Variants in RNASEH2B observed in about 807,000 individuals in gnomAD.
RNASEH2B encodes the protein ribonuclease H2 subunit B, also known as Aicardi-Goutieres syndrome 2 protein.
Under a neutral mutation model 45.0 loss-of-function variants are expected in RNASEH2B, and 36 were observed. That is an observed-to-expected ratio of 0.80 (90% CI 0.61 to 1.06). The LOEUF (loss-of-function observed/expected upper bound fraction) is 1.06, where lower values mean the gene tolerates loss of function less well. RNASEH2B is among the 50% of genes least tolerant of loss of function. The pLI, the probability that RNASEH2B is intolerant of heterozygous loss-of-function variation, is 0.00. For synonymous variants in RNASEH2B, 119 were observed against 125.7 expected (o/e 0.95, Z 0.35); for missense variants, 361 against 360.3 (o/e 1.00, Z -0.02).
intron 6 of RNASEH2B, among the ~76,000 whole-genome samples, chr13:50,944,188 TA>T (rs552801064): frequency 9.4e-5 from 14 of 148,772 alleles, no homozygotes; most frequent in South Asian, 4.2e-4. Flanking sequence ...TGGGTTGTGA[TA>T]AAAAAAAAAC....
At chr13:50,923,490 A>T (rs912444966) in intron 1 of RNASEH2B, among the ~76,000 whole-genome samples, 3 of 152,216 alleles carry the variant, frequency 2.0e-5, no homozygotes, top group African/African-American at 7.2e-5. Context: ...ACTTCTCATT[A>T]GAAGCTATGG....
At chr13:50,947,747 G>A (rs2038719) in intron 7 of RNASEH2B, among the ~76,000 whole-genome samples, 1,841 of 151,958 alleles carry the variant, frequency 0.012, 31 homozygotes, top group African/African-American at 0.043. Context: ...TATTATACTT[G>A]TTTTATCTTA....
intron 1 of RNASEH2B, 141 bp downstream of exon 1, chr13:50,910,281 C>A: frequency 1.9e-6 from 1 of 532,864 alleles, no homozygotes; most frequent in African/African-American, 2.0e-5. Flanking sequence ...ACAGCTGGCC[C>A]CGCATTTTGG....
Position 50,956,376 on chromosome 13 carries a change from G to A in RNASEH2B, c.841G>A (p.Ala281Thr), listed in dbSNP as rs1376748105. Reference protein sequence around the residue: ...KTEKKNSKMTAAQKALAKVDK... With the variant: ...KTEKKNSKMTTAQKALAKVDK... ...TTAACAGAAAAATAGCAAAATGACT[G>A]CAGCTCAGAAGGCTTTGGCTAAAGT... The change falls in exon 11 of 11, where the codon GCA (alanine) becomes ACA (threonine). Residue 281 changes from alanine (A) to threonine (T), a missense_variant. Ala to Thr is a moderately conservative substitution (Grantham distance 58). Transcript: ENST00000336617. 2 of 1,601,490 alleles carry A rather than the reference G, an allele frequency of 1.2e-6. No individual in the cohort carries two copies. The highest frequency in any genetic ancestry group is 1.7e-6 in the Non-Finnish European group (2 of 1,172,018).
At chr13:50,921,658 G>C (rs563293551) in intron 1 of RNASEH2B, among the ~76,000 whole-genome samples, 15 of 152,108 alleles carry the variant, frequency 9.9e-5, no homozygotes, top group Admixed American at 2.0e-4. Context: ...TATAGTAAAT[G>C]AGCCCTTTTT....
At position 50,918,730 on chromosome 13, in the gene RNASEH2B, T is replaced by C. The variant is rs572641851; in HGVS notation, c.64+8590T>C. ...TGATTTGTCTTGCATGCATTGTATTTGTGTCCTACCAAAGTGTTTCCAAGG... is the reference window on the plus strand; with the variant it reads ...TGATTTGTCTTGCATGCATTGTATTCGTGTCCTACCAAAGTGTTTCCAAGG... On this transcript the variant is annotated intron_variant, in intron 1 of 10. Transcript: ENST00000336617. 9.8e-5 allele frequency among the ~76,000 whole-genome samples: 15 copies of C among 152,308 alleles called. 1 individual carries two copies. The East Asian group carries it at 2.9e-3, about 29-fold the overall frequency.
intron 9 of RNASEH2B, chr13:50,951,270 A>G (rs1360342075): frequency 1.3e-5 from 2 of 152,198 alleles, no homozygotes; most frequent in Admixed American, 6.5e-5. Flanking sequence ...AGCGTAGAAC[A>G]TATCTTCTGC....
rs1879248046 is a variant in RNASEH2B, at chr13:50,910,027, A to G, written c.-50A>G. On this transcript the variant is annotated 5_prime_UTR_variant, in exon 1 of 11. Coordinates refer to ENST00000336617, the MANE Select transcript of RNASEH2B (RefSeq NM_024570.4). ...CCGCCATTTTCGGCGGGGCTGGGAG[A>G]CTGAGGCCCGCGGCGCTGAGCCTGC... is the stretch of plus-strand genomic sequence containing the variant. The G allele has an allele frequency of 1.4e-6, 2 of 1,433,910 alleles. No individual in the cohort carries two copies. Among genetic ancestry groups the G allele is most frequent in the Non-Finnish European group, 1.8e-6 (2 of 1,085,028 alleles). 88.8% of individuals were successfully genotyped at this position (1,433,910 alleles called of 1,614,324 possible). A position where few individuals can be genotyped will look rare whatever the true frequency, so the allele number is the denominator to read the frequency against.
chr13:50,957,219 A>G (rs1056995361), downstream of RNASEH2B, among the ~76,000 whole-genome samples: 6 of 152,018 alleles, frequency 3.9e-5, no homozygotes, highest in African/African-American at 1.5e-4. Flanking sequence ...CATAGTACCC[A>G]ATGGGTAATT....
At chr13:50,940,448 G>A (rs1335460783) in intron 5 of RNASEH2B, among the ~76,000 whole-genome samples, 1 of 152,212 alleles carries the variant, frequency 6.6e-6, no homozygotes, top group Non-Finnish European at 1.5e-5. Context: ...AGCACTAGAA[G>A]CTAAGCCTCC....
At chr13:50,956,873 C>A, downstream of RNASEH2B, 31 of 383,150 alleles carry the variant, frequency 8.1e-5, no homozygotes, top group Non-Finnish European at 1.0e-4. Context: ...TAAATTGTTA[C>A]TTTAAAAAGG....
intron 9 of RNASEH2B, chr13:50,950,223 C>A (rs1566089301): frequency 6.6e-6 from 1 of 152,262 alleles, no homozygotes; most frequent in Non-Finnish European, 1.5e-5. Context: ...ATTTCTTCAG[C>A]CAGCAAAGTA....
chr13:50,961,567 G>A (rs2138036487), downstream of RNASEH2B, among the ~76,000 whole-genome samples: 1 of 152,172 alleles, frequency 6.6e-6, no homozygotes, highest in South Asian at 2.1e-4. Flanking sequence ...TGGAGTTTCA[G>A]CCTCTTGTCC....
chr13:50,911,184 C>T (rs2137871982), intron 1 of RNASEH2B: 1 of 152,308 alleles, frequency 6.6e-6, no homozygotes, highest in African/African-American at 2.4e-5. Context: ...CCTAGATAGC[C>T]CCAGGAACCT....
rs150706769 is a variant in RNASEH2B, at chr13:50,924,392, A to T, written c.65-3015A>T. Among the ~76,000 whole-genome samples, 4 of 152,320 alleles carry T rather than the reference A, an allele frequency of 2.6e-5. No individual in the cohort carries two copies. The East Asian group carries it at 7.7e-4, about 29-fold the overall frequency. ...TAACTGAAGGAGAGCTGGAGTGGCA[A>T]TACTAATATCACATGAAATCAACTT... is the stretch of plus-strand genomic sequence containing the variant. On this transcript the variant is annotated intron_variant, in intron 1 of 10. Transcript: ENST00000336617.
intron 1 of RNASEH2B, among the ~76,000 whole-genome samples, chr13:50,923,274 A>T (rs984279101): frequency 3.3e-5 from 5 of 152,250 alleles, no homozygotes; most frequent in African/African-American, 1.2e-4. Context: ...AAGAAATAAT[A>T]GCCAAATACT....
At chr13:50,963,522 G>T (rs553111731) in intron 9 of RNASEH2B, among the ~76,000 whole-genome samples, 4 of 151,974 alleles carry the variant, frequency 2.6e-5, no homozygotes, top group South Asian at 2.1e-4. Context: ...ATGTCTTCCC[G>T]TATCTGTTCT....
intron 6 of RNASEH2B, among the ~76,000 whole-genome samples, chr13:50,944,163 G>A (rs1951868361): frequency 6.6e-6 from 1 of 151,828 alleles, no homozygotes; most frequent in Admixed American, 6.6e-5. Flanking sequence ...TTGGGTTGCT[G>A]TATATTTCTT....
At chr13:50,941,787 A>C (rs1951835822) in intron 5 of RNASEH2B, 1 of 152,166 alleles carries the variant, frequency 6.6e-6, no homozygotes, top group Admixed American at 6.5e-5. Flanking sequence ...CAGACATTGC[A>C]CCTTGGAATT....
Sources: allele counts gnomAD v4.1 joint callset (sites outside exome capture counted in the v4.1 genomes callset), GRCh38; gene constraint gnomAD v4.1.1; transcripts MANE v1.5; gene names NCBI Gene and HGNC (gene_info 2026-07-23, HGNC 2026-07-21).